PAOX: variants seen among roughly 807,000 people sequenced by gnomAD.
PAOX encodes peroxisomal N(1)-acetyl-spermine/spermidine oxidase.
A neutral mutation model predicts 39.0 loss-of-function variants in PAOX; 38 were observed. The ratio of observed to expected loss-of-function variants is 0.97; its 90% CI spans 0.75 to 1.28. The LOEUF (loss-of-function observed/expected upper bound fraction) is 1.28. PAOX is among the 50% of genes most tolerant of loss of function. The pLI is 0.00. For synonymous variants in PAOX, 311 were observed against 314.4 expected, an observed-to-expected ratio of 0.99 and a Z score of 0.11; for missense variants, 667 against 685.7, an observed-to-expected ratio of 0.97 and a Z score of 0.30.
chr10:133,389,799 G>A (rs764861228), intron 6 of PAOX, 52 bp downstream of exon 6: 14 of 1,408,934 alleles, frequency 9.9e-6, no homozygotes, highest in East Asian at 2.8e-5. Flanking sequence ...AGAGGCCCCC[G>A]CCGAGTCTGG....
At position 133,384,217 on chromosome 10, in the gene PAOX, G is replaced by A. The variant is rs768185178; in HGVS notation, c.1121+5G>A. The A allele has an allele frequency of 2.0e-5, 32 of 1,611,786 alleles. No homozygotes were observed. The highest frequency in any genetic ancestry group is 1.2e-4 in the Admixed American group (7 of 59,964). ...TGTGGTCCTGCCTGCCTTTGCGTACGTTTGCTCCCTGAGAAGTTCTGCGAG... is the reference window on the plus strand; with the variant it reads ...TGTGGTCCTGCCTGCCTTTGCGTACATTTGCTCCCTGAGAAGTTCTGCGAG... On this transcript the variant is annotated splice_donor_5th_base_variant and intron_variant, in intron 4 of 6. Transcript: ENST00000278060. The surrounding 1 kb of genome is among the most constrained non-coding windows in gnomAD (Gnocchi z 4.3).
In PAOX at chr10:133,384,321, A is replaced by G; in HGVS notation, c.1121+109A>G. 6.7e-7 allele frequency: 1 copy of G among 1,495,842 alleles called. No individual in the cohort carries two copies. Among genetic ancestry groups the G allele is most frequent in the East Asian group, 2.3e-5 (1 of 43,938 alleles). The allele number at this position is 1,495,842 out of a possible 1,614,324, so 92.7% of individuals were successfully genotyped here. On this transcript the variant is annotated intron_variant, in intron 4 of 6. Coordinates refer to ENST00000278060, the MANE Select transcript of PAOX (RefSeq NM_152911.4). The surrounding 1 kb of genome is among the most constrained non-coding windows in gnomAD (Gnocchi z 4.3). ...CTGCAGGGTATTTCTAGGGGGTTTAATGGGTAGGGTTCCCATGAGCGCCCC... is the reference window on the plus strand; with the variant it reads ...CTGCAGGGTATTTCTAGGGGGTTTAGTGGGTAGGGTTCCCATGAGCGCCCC...
chr10:133,387,017 G>A (rs1589897918), intron 4 of PAOX, among the ~76,000 whole-genome samples: 1 of 152,186 alleles, frequency 6.6e-6, no homozygotes, highest in Non-Finnish European at 1.5e-5. Context: ...GGTGGCTCAT[G>A]CCGGTAATTC....
rs185334591 is a variant in PAOX, at chr10:133,385,067, G to A, written c.1121+855G>A. Among the ~76,000 whole-genome samples the A allele has an allele frequency of 4.1e-3, 627 of 152,218 alleles. 6 individuals carry two copies. Among genetic ancestry groups the A allele is most frequent in the African/African-American group, 0.014 (565 of 41,520 alleles). ...TCCCTGCACTTTGGGAGGCTGAGGC[G>A]GGTGGATCACCTGAGGTCAGGAGTT... On this transcript the variant is annotated intron_variant, in intron 4 of 6. Coordinates refer to ENST00000278060, the MANE Select transcript of PAOX (RefSeq NM_152911.4).
chr10:133,384,115 G>T lies in PAOX; in HGVS notation c.1024G>T (p.Val342Leu). The T allele has an allele frequency of 1.2e-6, 2 of 1,614,218 alleles. No individual in the cohort carries two copies. The highest frequency in any genetic ancestry group is 1.7e-6 in the Non-Finnish European group (2 of 1,180,038). The stretch of plus-strand genomic sequence containing the variant: ...GCCAGACTGCCAGCTGATCCAGCTG[G>T]TGTGGGAGGACACGTCGCCCCTGGA... ...WEPDCQLIQLVWEDTSPLEDA... is the reference protein window; with the variant it reads ...WEPDCQLIQLLWEDTSPLEDA... Residue 342 changes from valine (V) to leucine (L), a missense_variant, in exon 4 of 7, where the codon GTG (valine) becomes TTG (leucine). Coordinates refer to ENST00000278060, the MANE Select transcript of PAOX (RefSeq NM_152911.4). The surrounding 1 kb of genome is among the most constrained non-coding windows in gnomAD (Gnocchi z 4.3).
rs866555442 is a variant in PAOX at position 133,391,399 on chromosome 10, G to A, written c.1480G>A (p.Asp494Asn). 1.2e-5 allele frequency: 20 copies of A among 1,612,984 alleles called. No individual in the cohort carries two copies. Among genetic ancestry groups the A allele is most frequent in the Middle Eastern group, 1.6e-4 (1 of 6,084 alleles). ...GALLSGWREA[D>N]RLLSLWAPQV... ...TCTGCTGTCGGGATGGAGGGAGGCC[G>A]ACCGCCTCCTCAGTCTGTGGGCCCC... is the stretch of plus-strand genomic sequence containing the variant. Residue 494 changes from aspartate to asparagine, a missense_variant, in exon 7 of 7, where the codon GAC (aspartate) becomes AAC (asparagine). Transcript: ENST00000278060.
At chr10:133,385,666 C>G (rs972660789) in intron 4 of PAOX, among the ~76,000 whole-genome samples, 1 of 152,188 alleles carries the variant, frequency 6.6e-6, no homozygotes, top group African/African-American at 2.4e-5. Flanking sequence ...TCACTGCAAG[C>G]CCCACCTCCT....
chr10:133,390,497 G>A (rs1251233593), intron 6 of PAOX, among the ~76,000 whole-genome samples: 1 of 151,888 alleles, frequency 6.6e-6, no homozygotes, highest in Non-Finnish European at 1.5e-5. Context: ...CTCAGGCTTG[G>A]GCCCAGGAAG....
chr10:133,387,414 T>C (rs1468733896), intron 4 of PAOX, among the ~76,000 whole-genome samples: 1 of 152,282 alleles, frequency 6.6e-6, no homozygotes, highest in Non-Finnish European at 1.5e-5. Context: ...GAAGCTGTTA[T>C]GCTGTTGGTG....
chr10:133,379,953 C>G, intron 1 of PAOX, 46 bp from the exon 2 acceptor site: 1 of 1,503,152 alleles, frequency 6.7e-7, no homozygotes, highest in Non-Finnish European at 8.8e-7. Flanking sequence ...CGGGGTGACC[C>G]TTCTAGGAAA....
chr10:133,383,432 A>C lies in PAOX; in HGVS notation c.869-528A>C, dbSNP rs1051094317. 3.3e-5 allele frequency among the ~76,000 whole-genome samples: 5 copies of C among 151,768 alleles called. No homozygotes were observed. In the South Asian group the frequency reaches 1.0e-3, roughly 32 times the overall value. On this transcript the variant is annotated intron_variant, in intron 3 of 6. Coordinates refer to ENST00000278060, the MANE Select transcript of PAOX (RefSeq NM_152911.4). ...AGCCTAACCAACATGGCAAGACCCC[A>C]TCTCTACTAAAAATAGAAAAATTAG... is the stretch of plus-strand genomic sequence containing the variant.
At chr10:133,388,902 GCT>G in intron 4 of PAOX, 52 bp from the exon 5 acceptor site, 1 of 768,238 alleles carries the variant, frequency 1.3e-6, no homozygotes, top group East Asian at 2.4e-5. Context: ...TCATCCCAGG[GCT>G]CTCTTTCTCC....
In PAOX at chr10:133,384,207, C is replaced by T. The variant is rs756495549; in HGVS notation, c.1116C>T (p.Ala372=). ...RKLIGFVVLP[A]FASVHVLCGF... ...TCATTGGCTTTGTGGTCCTGCCTGC[C>T]TTTGCGTACGTTTGCTCCCTGAGAA... The change falls in exon 4 of 7, where the codon GCC becomes GCT. Residue 372 remains alanine, a synonymous_variant. Coordinates refer to ENST00000278060, the MANE Select transcript of PAOX (RefSeq NM_152911.4). This position sits in a 1 kb window ranked among gnomAD's most constrained non-coding sequence, Gnocchi z 4.3. The T allele has an allele frequency of 6.2e-7, 1 of 1,613,314 alleles. No individual in the cohort carries two copies.
chr10:133,379,425 G>A lies in PAOX; in HGVS notation c.109G>A (p.Ala37Thr). The A allele has an allele frequency of 4.9e-6, 6 of 1,224,206 alleles. No homozygotes were observed. The highest frequency in any genetic ancestry group is 6.1e-6 in the Non-Finnish European group (6 of 983,346). The allele number at this position is 1,224,206 out of a possible 1,614,324, so 75.8% of individuals were successfully genotyped here. Reference sequence around the variant, plus strand: ...GGCGCAGAGGCTCTGCGGCCACTCCGCCTTCCCGCACCTGCGGGTCCTGGA... The same window carrying A: ...GGCGCAGAGGCTCTGCGGCCACTCCACCTTCCCGCACCTGCGGGTCCTGGA... Reference protein sequence around the residue: ...GAAQRLCGHSAFPHLRVLEAT... With the variant: ...GAAQRLCGHSTFPHLRVLEAT... The change falls in exon 1 of 7, where the codon GCC (alanine) becomes ACC (threonine). Residue 37 changes from alanine (A) to threonine (T), a missense_variant. Transcript: ENST00000278060.
rs1286277696 is a variant in PAOX at position 133,380,154 on chromosome 10, G to A, written c.337G>A (p.Val113Met). Residue 113 changes from valine to methionine, a missense_variant, in exon 2 of 7, where the codon GTG becomes ATG. Physicochemically the swap from Val to Met is conservative, Grantham distance 21 (BLOSUM62 1). Transcript: ENST00000278060. Reference sequence around the variant, plus strand: ...CGGGGGTCACGTGGGCCTGCCCTCCGTGAGCTACGCCAGCTCCGGGGCCAG... The same window carrying A: ...CGGGGGTCACGTGGGCCTGCCCTCCATGAGCTACGCCAGCTCCGGGGCCAG... ...ETGGHVGLPS[V>M]SYASSGASVS... 2.9e-5 allele frequency: 47 copies of A among 1,604,292 alleles called. No homozygotes were observed. The highest frequency in any genetic ancestry group is 3.7e-5 in the Non-Finnish European group (44 of 1,174,620).
chr10:133,379,884 G>C, intron 1 of PAOX, 115 bp from the exon 2 acceptor site: 1 of 1,377,276 alleles, frequency 7.3e-7, no homozygotes, highest in Admixed American at 2.4e-5. Flanking sequence ...GGCCCTTGGG[G>C]ACAGTGTGGT....
At chr10:133,385,571 C>T (rs1849507336) in intron 4 of PAOX, among the ~76,000 whole-genome samples, 2 of 151,992 alleles carry the variant, frequency 1.3e-5, no homozygotes, top group African/African-American at 2.4e-5. Context: ...GTAAATTTAC[C>T]CCATGATAAA....
rs60370984 is a variant in PAOX, at chr10:133,386,018, C to CTT, written c.1121+1822_1121+1823dup. 3.2e-3 allele frequency among the ~76,000 whole-genome samples: 451 copies of CTT among 141,250 alleles called. 2 individuals carry two copies. Among genetic ancestry groups the CTT allele is most frequent in the South Asian group, 4.8e-3 (22 of 4,540 alleles). The allele number at this position is 141,250 out of a possible 152,430, so 92.7% of individuals were successfully genotyped here. On this transcript the variant is annotated intron_variant, in intron 4 of 6. Transcript: ENST00000278060. ...CAGCAGTTTTGTCTTTTCTGCAAAACTTTTTTTTTTTTTTTTTGAGACAAG... is the reference window on the plus strand; with the variant it reads ...CAGCAGTTTTGTCTTTTCTGCAAAACTTTTTTTTTTTTTTTTTTTGAGACAAG...
intron 4 of PAOX, among the ~76,000 whole-genome samples, chr10:133,388,081 T>A (rs557507978): frequency 2.0e-5 from 3 of 152,338 alleles, no homozygotes; most frequent in African/African-American, 7.2e-5. Flanking sequence ...TAGTAACTTT[T>A]ACTGCCTTTG....
Sources: gnomAD v4.1 joint callset for allele counts (sites outside exome capture counted in the v4.1 genomes callset) on GRCh38, gnomAD v4.1.1 for gene constraint, Gnocchi (gnomAD v3.1) non-coding constraint, MANE v1.5 for transcripts, NCBI Gene and HGNC (gene_info 2026-07-23, HGNC 2026-07-21) for gene names.